Variants in ADCY8 observed in about 807,000 individuals in gnomAD.
The protein encoded by ADCY8 is adenylate cyclase 8.
In ADCY8, 51 loss-of-function variants were observed where a neutral mutation model predicts 119.7. The ratio of observed to expected loss-of-function variants is 0.43; its 90% CI spans 0.34 to 0.54. The LOEUF is 0.54. Among genes scored for constraint, ADCY8 ranks in the 20% least tolerant of loss-of-function variants. ADCY8 has a pLI of 0.03. For synonymous variants in ADCY8, 665 were observed against 651.0 expected (o/e 1.02, Z -0.33); for missense variants, 1,383 against 1,598.8 (o/e 0.87, Z 2.30).
chr8:130,880,483 C>T (rs1177026720), intron 8 of ADCY8, among the ~76,000 whole-genome samples: 2 of 152,180 alleles, frequency 1.3e-5, no homozygotes, highest in African/African-American at 4.8e-5. Flanking sequence ...CATATCTTTA[C>T]CATAGTTCTG....
At chr8:130,899,617 A>T (rs1819529560) in intron 7 of ADCY8, among the ~76,000 whole-genome samples, 1 of 152,108 alleles carries the variant, frequency 6.6e-6, no homozygotes, top group South Asian at 2.1e-4. Flanking sequence ...ATAAAAAAAA[A>T]AAAGGAGAAA....
At chr8:131,017,591 C>A (rs1189447920) in intron 1 of ADCY8, among the ~76,000 whole-genome samples, 2 of 152,102 alleles carry the variant, frequency 1.3e-5, no homozygotes, top group Non-Finnish European at 2.9e-5. Flanking sequence ...TTAGGAAAAG[C>A]CCCCCATCTA....
At chr8:130,818,608 C>T (rs1816415360) in intron 13 of ADCY8, among the ~76,000 whole-genome samples, 1 of 152,236 alleles carries the variant, frequency 6.6e-6, no homozygotes, top group Non-Finnish European at 1.5e-5. Context: ...CTTCTGCGTA[C>T]CAGGCATCAG....
chr8:130,917,055 C>T (rs1820151294), intron 5 of ADCY8, among the ~76,000 whole-genome samples: 1 of 152,160 alleles, frequency 6.6e-6, no homozygotes, highest in African/African-American at 2.4e-5. Flanking sequence ...TTTTGATAGC[C>T]ACAGTGACTC....
chr8:130,971,131 C>A (rs1425404409), intron 2 of ADCY8, among the ~76,000 whole-genome samples: 2 of 152,122 alleles, frequency 1.3e-5, no homozygotes, highest in African/African-American at 4.8e-5. Flanking sequence ...GCCCAATAAA[C>A]CCTTGCTTGC....
intron 3 of ADCY8, among the ~76,000 whole-genome samples, chr8:130,948,957 C>T (rs2130652242): frequency 6.6e-6 from 1 of 152,292 alleles, no homozygotes; most frequent in South Asian, 2.1e-4. Flanking sequence ...GGGCATCTCA[C>T]CACGCTGCTC....
intron 14 of ADCY8, among the ~76,000 whole-genome samples, chr8:130,804,041 G>A (rs563555627): frequency 3.9e-5 from 6 of 152,300 alleles, no homozygotes; most frequent in African/African-American, 1.4e-4. Context: ...GAACAATATG[G>A]TGATGCCACG....
chr8:130,818,399 A>T (rs1457554983), intron 13 of ADCY8, among the ~76,000 whole-genome samples: 2 of 152,236 alleles, frequency 1.3e-5, no homozygotes, highest in Non-Finnish European at 2.9e-5. Flanking sequence ...CAGGGCTACC[A>T]GTGAATCAGG....
chr8:130,913,866 G>A (rs1332515017), intron 5 of ADCY8, among the ~76,000 whole-genome samples: 2 of 152,128 alleles, frequency 1.3e-5, no homozygotes, highest in African/African-American at 2.4e-5. Flanking sequence ...AGACAGCCAA[G>A]TTCTCATCTT....
At chr8:130,953,707 T>G (rs1187714032) in intron 2 of ADCY8, among the ~76,000 whole-genome samples, 2 of 152,070 alleles carry the variant, frequency 1.3e-5, no homozygotes, top group Non-Finnish European at 2.9e-5. Flanking sequence ...CTTCAAAGAG[T>G]TGCTGTGAGA....
Position 130,990,728 on chromosome 8 carries a change from G to T in ADCY8, c.961-186C>A, listed in dbSNP as rs1447159814. 3 of 639,664 alleles carry T rather than the reference G, an allele frequency of 4.7e-6. No individual in the cohort carries two copies. In the East Asian group the frequency reaches 9.7e-5, roughly 21 times the overall value. The allele number at this position is 639,664 out of a possible 1,614,324, so 39.6% of individuals were successfully genotyped here. On this transcript the variant is annotated intron_variant, in intron 1 of 17. Transcript: ENST00000286355. ...GGCAAATGTCATCCCTTTGGAGAGG[G>T]CTTCTTTCACCACTTTCTCCAATTT...
rs760345728 is a variant in ADCY8 at position 130,821,377 on chromosome 8, T to G, written c.2719A>C (p.Met907Leu). 2 of 1,613,528 alleles carry G rather than the reference T, an allele frequency of 1.2e-6. No homozygotes were observed. The highest frequency in any genetic ancestry group is 3.3e-5 in the Admixed American group (2 of 59,984). ...TGGTAGAACACAGCCAGGAGGAACATGGCCATCAGTAGCAGTGATACCTCC... is the reference window on the plus strand; with the variant it reads ...TGGTAGAACACAGCCAGGAGGAACAGGGCCATCAGTAGCAGTGATACCTCC... ...TKEVSLLLMA[M>L]FLLAVFYHGQ... Residue 907 changes from methionine to leucine, a missense_variant, in exon 13 of 18, where the codon ATG becomes CTG. Transcript: ENST00000286355.
intron 1 of ADCY8, among the ~76,000 whole-genome samples, chr8:130,997,345 A>C (rs1011644546): frequency 6.6e-6 from 1 of 152,166 alleles, no homozygotes; most frequent in Non-Finnish European, 1.5e-5. Context: ...AGGAAGAATA[A>C]GTTATTCAAA....
At chr8:130,988,454 T>A (rs1822471696) in intron 2 of ADCY8, among the ~76,000 whole-genome samples, 3 of 152,224 alleles carry the variant, frequency 2.0e-5, no homozygotes, top group Admixed American at 2.0e-4. Flanking sequence ...AAGAAATCAA[T>A]GAAACTGACT....
chr8:131,011,735 C>A (rs1823311401), intron 1 of ADCY8, among the ~76,000 whole-genome samples: 1 of 152,094 alleles, frequency 6.6e-6, no homozygotes, highest in African/African-American at 2.4e-5. Flanking sequence ...ACCTCCCTTA[C>A]AGCAGATGGG....
At chr8:130,958,005 C>T (rs1011638621) in intron 2 of ADCY8, among the ~76,000 whole-genome samples, 10 of 152,144 alleles carry the variant, frequency 6.6e-5, no homozygotes. Context: ...ACACAGAGTC[C>T]CTACTGGGGC....
chr8:130,799,032 G>A (rs982890136), intron 15 of ADCY8, among the ~76,000 whole-genome samples: 3 of 151,998 alleles, frequency 2.0e-5, no homozygotes, highest in African/African-American at 7.3e-5. Context: ...AAATACCCCA[G>A]GCACAGAAAA....
intron 5 of ADCY8, among the ~76,000 whole-genome samples, chr8:130,912,751 G>A (rs1048712828): frequency 2.0e-5 from 3 of 152,228 alleles, no homozygotes; most frequent in African/African-American, 7.2e-5. Context: ...GGTTTTTCTT[G>A]ATCTTGGTGA....
intron 5 of ADCY8, among the ~76,000 whole-genome samples, chr8:130,918,926 T>C (rs1041502637): frequency 1.3e-5 from 2 of 152,176 alleles, no homozygotes; most frequent in African/African-American, 4.8e-5. Flanking sequence ...CTGGGCATGG[T>C]GGCACACGCC....
Sources: gnomAD v4.1 joint callset for allele counts (sites outside exome capture counted in the v4.1 genomes callset) on GRCh38, gnomAD v4.1.1 for gene constraint, MANE v1.5 for transcripts, NCBI Gene and HGNC (gene_info 2026-07-23, HGNC 2026-07-21) for gene names.